Variants in UGT8 observed in about 807,000 individuals in gnomAD.
UGT8 encodes UDP glycosyltransferase 8, also known as 2-hydroxyacylsphingosine 1-beta-galactosyltransferase.
A neutral mutation model predicts 40.5 loss-of-function variants in UGT8; 12 were observed. That is an observed-to-expected ratio of 0.30 (90% CI 0.19 to 0.48). UGT8 has a LOEUF of 0.48. Ranked by LOEUF, UGT8 falls within the 20% of genes least tolerant of loss-of-function variation. The pLI is 0.99. For missense variants in UGT8, 513 were observed against 648.7 expected (o/e 0.79, Z 2.27); for synonymous variants, 224 against 240.4 (o/e 0.93, Z 0.63).
chr4:114,625,620 T>TATAAG (rs1732164921), intron 2 of UGT8, among the ~76,000 whole-genome samples: 1 of 151,594 alleles, frequency 6.6e-6, no homozygotes, highest in Non-Finnish European at 1.5e-5. Flanking sequence ...AATGACACAG[T>TATAAG]ATAAGTGTAG....
chr4:114,634,887 A>C (rs1489691514), intron 2 of UGT8, among the ~76,000 whole-genome samples: 1 of 152,228 alleles, frequency 6.6e-6, no homozygotes. Flanking sequence ...ACATTAAAAT[A>C]CAGACTTCCA....
At chr4:114,659,970 C>T (rs983437844) in intron 2 of UGT8, among the ~76,000 whole-genome samples, 2 of 152,148 alleles carry the variant, frequency 1.3e-5, no homozygotes, top group South Asian at 2.1e-4. Flanking sequence ...TATTAAATAA[C>T]TAATGTTGAC....
chr4:114,633,960 TC>T (rs1732735006), intron 2 of UGT8, among the ~76,000 whole-genome samples: 1 of 151,778 alleles, frequency 6.6e-6, no homozygotes, highest in South Asian at 2.1e-4. Context: ...AAAGGATCAC[TC>T]TGGTTGCTTT....
At chr4:114,631,048 C>T (rs1351932669) in intron 2 of UGT8, among the ~76,000 whole-genome samples, 1 of 152,130 alleles carries the variant, frequency 6.6e-6, no homozygotes, top group Non-Finnish European at 1.5e-5. Flanking sequence ...ACTCAGTAAC[C>T]TAGAAATGCC....
At chr4:114,606,280 C>A (rs1017603495) in intron 1 of UGT8, among the ~76,000 whole-genome samples, 1 of 152,146 alleles carries the variant, frequency 6.6e-6, no homozygotes, top group Non-Finnish European at 1.5e-5. Flanking sequence ...AAATTTTTTA[C>A]TAGCAACGGA....
At chr4:114,638,965 G>A (rs1292699527) in intron 2 of UGT8, among the ~76,000 whole-genome samples, 3 of 152,158 alleles carry the variant, frequency 2.0e-5, no homozygotes, top group Admixed American at 6.5e-5. Flanking sequence ...AAAAGAAAAT[G>A]CCCAGCCCTT....
At chr4:114,629,525 G>A (rs767362619) in intron 2 of UGT8, among the ~76,000 whole-genome samples, 1 of 152,160 alleles carries the variant, frequency 6.6e-6, no homozygotes, top group Non-Finnish European at 1.5e-5. Flanking sequence ...AAATGTTTTT[G>A]CAGATGCTTT....
intron 3 of UGT8, 98 bp downstream of exon 3, chr4:114,664,235 A>G: frequency 1.5e-6 from 2 of 1,356,044 alleles, no homozygotes; most frequent in African/African-American, 1.4e-5. Flanking sequence ...TGTTTCCCTG[A>G]CAAGATTAGC....
chr4:114,667,869 A>T, intron 4 of UGT8: 1 of 888,218 alleles, frequency 1.1e-6, no homozygotes, highest in Non-Finnish European at 1.3e-6. Context: ...TCAACTACTT[A>T]AAAATGGCTT....
rs1413852774 is a variant in UGT8 at position 114,623,205 on chromosome 4, C to T, written c.325C>T (p.His109Tyr). ...TAIELFDILD[H>Y]YTKNCDLMVG... Reference sequence around the variant, plus strand: ...AATCGAACTGTTTGACATACTGGATCACTATACTAAGAACTGTGACCTGAT... The same window carrying T: ...AATCGAACTGTTTGACATACTGGATTACTATACTAAGAACTGTGACCTGAT... The change falls in exon 2 of 6, where the codon CAC (histidine) becomes TAC (tyrosine). Residue 109 changes from histidine to tyrosine, a missense_variant. Transcript: ENST00000310836. 6.2e-7 allele frequency: 1 copy of T among 1,614,028 alleles called. No individual in the cohort carries two copies.
intron 5 of UGT8, among the ~76,000 whole-genome samples, chr4:114,671,624 T>C (rs1337025749): frequency 6.6e-6 from 1 of 152,240 alleles, no homozygotes; most frequent in Non-Finnish European, 1.5e-5. Flanking sequence ...GCTAGCCATA[T>C]GCAGAAAACT....
intron 2 of UGT8, among the ~76,000 whole-genome samples, chr4:114,657,693 T>C (rs1734271728): frequency 6.6e-6 from 1 of 152,214 alleles, no homozygotes; most frequent in Non-Finnish European, 1.5e-5. Context: ...ATGACCTTTT[T>C]TTTTTTCCTT....
At chr4:114,603,693 T>G (rs1730573352) in intron 1 of UGT8, among the ~76,000 whole-genome samples, 1 of 152,076 alleles carries the variant, frequency 6.6e-6, no homozygotes, top group South Asian at 2.1e-4. Context: ...GAGCTCACAA[T>G]TTAGTTTCAT....
At chr4:114,630,579 A>G (rs376665733) in intron 2 of UGT8, among the ~76,000 whole-genome samples, 3 of 151,842 alleles carry the variant, frequency 2.0e-5, no homozygotes, top group South Asian at 2.1e-4. Flanking sequence ...TGGAGCATCT[A>G]TGGTTTCACC....
intron 1 of UGT8, among the ~76,000 whole-genome samples, chr4:114,621,880 T>G (rs1239482577): frequency 6.6e-6 from 1 of 152,220 alleles, no homozygotes; most frequent in Non-Finnish European, 1.5e-5. Flanking sequence ...AAAGAGGTAA[T>G]TAGAACAAAT....
At chr4:114,605,015 G>A (rs1021706685) in intron 1 of UGT8, among the ~76,000 whole-genome samples, 1 of 151,810 alleles carries the variant, frequency 6.6e-6, no homozygotes. Flanking sequence ...ATTTCTTCTA[G>A]TTCCATGTTG....
intron 1 of UGT8, among the ~76,000 whole-genome samples, chr4:114,612,365 C>T (rs1472326129): frequency 6.6e-6 from 1 of 152,062 alleles, no homozygotes; most frequent in Non-Finnish European, 1.5e-5. Flanking sequence ...AGTCCTAGGC[C>T]TCATCCCCAG....
chr4:114,615,138 CT>C (rs1166408942), intron 1 of UGT8, among the ~76,000 whole-genome samples: 2 of 151,692 alleles, frequency 1.3e-5, no homozygotes, highest in Non-Finnish European at 2.9e-5. Context: ...TTTAAGCTTT[CT>C]TTTTTTTCTC....
chr4:114,619,805 A>T (rs555271693), intron 1 of UGT8, among the ~76,000 whole-genome samples: 7 of 152,054 alleles, frequency 4.6e-5, no homozygotes, highest in Admixed American at 4.6e-4. Context: ...TAGGGAAGTG[A>T]AATATCTATT....
Sources: gnomAD v4.1 joint callset for allele counts (sites outside exome capture counted in the v4.1 genomes callset) on GRCh38, gnomAD v4.1.1 for gene constraint, MANE v1.5 for transcripts, NCBI Gene and HGNC (gene_info 2026-07-23, HGNC 2026-07-21) for gene names.